The following JAM2 variants were observed in gnomAD, a reference collection of about 807,000 sequenced individuals.
The protein encoded by JAM2 is junctional adhesion molecule 2, also known as junctional adhesion molecule B.
Under a neutral mutation model 42.0 loss-of-function variants are expected in JAM2, and 17 were observed. That is an observed-to-expected ratio of 0.40 (90% CI 0.28 to 0.61). The LOEUF (loss-of-function observed/expected upper bound fraction) is 0.61. JAM2 is among the 20% of genes least tolerant of loss of function. The pLI is 0.37. For synonymous variants in JAM2, 118 were observed against 128.6 expected (o/e 0.92, Z 0.56); for missense variants, 319 against 358.3 (o/e 0.89, Z 0.89).
At chr21:25,659,915 T>C (rs1192344936) in intron 1 of JAM2, among the ~76,000 whole-genome samples, 2 of 152,122 alleles carry the variant, frequency 1.3e-5, no homozygotes, top group Non-Finnish European at 2.9e-5. Flanking sequence ...ATACCTCTTT[T>C]ATAGTTTGTT....
chr21:25,697,000 C>T (rs563564487), intron 4 of JAM2, among the ~76,000 whole-genome samples: 1 of 148,716 alleles, frequency 6.7e-6, no homozygotes, highest in South Asian at 2.1e-4. Flanking sequence ...ACAACAGGCA[C>T]ACACCTATTT....
At position 25,702,396 on chromosome 21, in the gene JAM2, C is replaced by T. The variant is rs73335965; in HGVS notation, c.697+127C>T. 9,616 of 500,294 alleles carry T rather than the reference C, an allele frequency of 0.019. 730 individuals are homozygous for T. The highest frequency in any genetic ancestry group is 0.16 in the African/African-American group (8,428 of 53,082). 31.0% of individuals were successfully genotyped at this position (500,294 alleles called of 1,614,324 possible). On this transcript the variant is annotated intron_variant, in intron 6 of 9. Coordinates refer to ENST00000480456, the MANE Select transcript of JAM2 (RefSeq NM_021219.4). ...TTGAAGAATAAACAGGAGAGAATGA[C>T]TAAAATTAACTTGATATGATGTGTT...
chr21:25,688,117 CGA>C (rs1209479326), intron 2 of JAM2, among the ~76,000 whole-genome samples: 1 of 152,018 alleles, frequency 6.6e-6, no homozygotes, highest in African/African-American at 2.4e-5. Flanking sequence ...ACATGGCCAG[CGA>C]GAGAGAGGCT....
intron 4 of JAM2, among the ~76,000 whole-genome samples, chr21:25,697,447 G>C (rs1283681198): frequency 3.9e-5 from 6 of 152,208 alleles, no homozygotes; most frequent in Non-Finnish European, 7.3e-5. Flanking sequence ...AATACAGCCA[G>C]TTCTGGGTTT....
chr21:25,661,615 TAA>T (rs2033091339), intron 1 of JAM2, among the ~76,000 whole-genome samples: 2 of 151,886 alleles, frequency 1.3e-5, no homozygotes, highest in Admixed American at 1.3e-4. Flanking sequence ...TACATATATA[TAA>T]ATTTTATGTA....
chr21:25,683,983 GT>G, intron 2 of JAM2, 35 bp downstream of exon 2: 1 of 1,352,944 alleles, frequency 7.4e-7, no homozygotes, highest in Non-Finnish European at 1.0e-6. Context: ...AGGCTGTATT[GT>G]TTAAATAACT....
intron 1 of JAM2, among the ~76,000 whole-genome samples, chr21:25,652,051 T>TA (rs2032797853): frequency 1.3e-5 from 2 of 152,196 alleles, no homozygotes; most frequent in African/African-American, 4.8e-5. Flanking sequence ...TAAAATTCAC[T>TA]AAAATAGCCT....
intron 1 of JAM2, among the ~76,000 whole-genome samples, chr21:25,673,976 T>C (rs560508806): frequency 3.9e-4 from 59 of 152,366 alleles, no homozygotes; most frequent in South Asian, 8.3e-4. Context: ...TTTCCCCTTT[T>C]GCTTGGCTCT....
At chr21:25,699,811 A>G (rs1306286336) in intron 5 of JAM2, among the ~76,000 whole-genome samples, 1 of 150,120 alleles carries the variant, frequency 6.7e-6, no homozygotes, top group African/African-American at 2.4e-5. Context: ...CTGATTCATG[A>G]TGATGAATCA....
At chr21:25,699,230 C>G (rs545267991) in intron 5 of JAM2, among the ~76,000 whole-genome samples, 7 of 152,326 alleles carry the variant, frequency 4.6e-5, no homozygotes, top group African/African-American at 1.4e-4. Context: ...TTAAGATTTT[C>G]GTAGACCCTA....
intron 1 of JAM2, among the ~76,000 whole-genome samples, chr21:25,670,958 T>G (rs993944730): frequency 3.9e-5 from 6 of 152,248 alleles, no homozygotes; most frequent in Admixed American, 1.3e-4. Flanking sequence ...AAATTTCTTC[T>G]GTAAGCACTT....
intron 3 of JAM2, among the ~76,000 whole-genome samples, chr21:25,693,503 G>A (rs754737087): frequency 1.3e-5 from 2 of 151,954 alleles, no homozygotes; most frequent in Admixed American, 6.5e-5. Flanking sequence ...GTGATCTACC[G>A]GCCTCGGCCT....
chr21:25,694,860 C>A (rs949776242), intron 4 of JAM2, among the ~76,000 whole-genome samples: 1 of 151,066 alleles, frequency 6.6e-6, no homozygotes, highest in Non-Finnish European at 1.5e-5. Context: ...TAAAAAGAAT[C>A]ACTGATAGTA....
Position 25,698,886 on chromosome 21 carries a change from T to C in JAM2, c.597+7T>C. The C allele has an allele frequency of 6.2e-7, 1 of 1,611,394 alleles. No individual in the cohort carries two copies. Among genetic ancestry groups the C allele is most frequent in the Non-Finnish European group, 8.5e-7 (1 of 1,177,698 alleles). On this transcript the variant is annotated splice_region_variant and intron_variant, in intron 5 of 9. Transcript: ENST00000480456. ...TACAAAAACTGGAACTCTGGTAAGG[T>C]CATTTCAAGATTTGACTTGATAACT...
At chr21:25,690,617 G>A (rs1023305098) in intron 3 of JAM2, among the ~76,000 whole-genome samples, 3 of 152,050 alleles carry the variant, frequency 2.0e-5, no homozygotes, top group Non-Finnish European at 4.4e-5. Flanking sequence ...AAAAGTACTG[G>A]AATTACAGGT....
At chr21:25,679,995 C>G (rs1406096527) in intron 1 of JAM2, among the ~76,000 whole-genome samples, 1 of 152,118 alleles carries the variant, frequency 6.6e-6, no homozygotes, top group Non-Finnish European at 1.5e-5. Flanking sequence ...TTCCCACCCT[C>G]AAAAATGTGA....
intron 6 of JAM2, among the ~76,000 whole-genome samples, chr21:25,704,905 C>T (rs1433941770): frequency 2.0e-5 from 3 of 152,020 alleles, no homozygotes; most frequent in Non-Finnish European, 4.4e-5. Context: ...TCTCAATTTG[C>T]AGAAATGTTA....
intron 7 of JAM2, among the ~76,000 whole-genome samples, chr21:25,706,906 A>C (rs1456356777): frequency 6.6e-6 from 1 of 151,902 alleles, no homozygotes; most frequent in African/African-American, 2.4e-5. Context: ...CGCCCGGCTA[A>C]TTTTTGTATT....
intron 1 of JAM2, among the ~76,000 whole-genome samples, chr21:25,682,299 T>G (rs1301460341): frequency 6.6e-6 from 1 of 152,222 alleles, no homozygotes; most frequent in Non-Finnish European, 1.5e-5. Flanking sequence ...AAGAAAGTGA[T>G]GTAGATCAAA....
Sources: allele counts gnomAD v4.1 joint callset (sites outside exome capture counted in the v4.1 genomes callset), GRCh38; gene constraint gnomAD v4.1.1; transcripts MANE v1.5; gene names NCBI Gene and HGNC (gene_info 2026-07-23, HGNC 2026-07-21).